STK24: variants seen among roughly 807,000 people sequenced by gnomAD.
STK24 encodes the protein serine/threonine kinase 24, also known as serine/threonine-protein kinase 24.
A neutral mutation model predicts 55.6 loss-of-function variants in STK24; 21 were observed. The observed-to-expected ratio is 0.38, with a 90% CI of 0.27 to 0.54. STK24 has a LOEUF of 0.54. Among genes scored for constraint, STK24 ranks in the 20% least tolerant of loss-of-function variants. The pLI is 0.79. For synonymous variants in STK24, 200 were observed against 215.2 expected, an observed-to-expected ratio of 0.93 and a Z score of 0.62; for missense variants, 383 against 538.4, an observed-to-expected ratio of 0.71 and a Z score of 2.86.
intron 5 of STK24, among the ~76,000 whole-genome samples, chr13:98,470,757 T>C (rs1894114111): frequency 6.6e-6 from 1 of 152,224 alleles, no homozygotes; most frequent in Non-Finnish European, 1.5e-5. Context: ...CACAATATCA[T>C]GTCAAATAAA....
intron 8 of STK24, among the ~76,000 whole-genome samples, chr13:98,461,054 A>AGAGAG (rs1555301293): frequency 1.4e-5 from 2 of 143,750 alleles, no homozygotes; most frequent in African/African-American, 2.6e-5. Flanking sequence ...AAAAAAAAAA[A>AGAGAG]AGAGAGAGAG....
chr13:98,460,245 G>T, intron 9 of STK24, 127 bp downstream of exon 9: 1 of 890,168 alleles, frequency 1.1e-6, no homozygotes, highest in Non-Finnish European at 1.8e-6. Context: ...CACCATGCAG[G>T]CTTTCCGAGC....
At chr13:98,482,416 A>T in intron 2 of STK24, 95 bp from the exon 3 acceptor site, 1 of 682,844 alleles carries the variant, frequency 1.5e-6, no homozygotes, top group East Asian at 2.8e-5. Context: ...TTATATTGGA[A>T]CTAGAAAGTT....
Position 98,514,429 on chromosome 13 carries a change from G to A in STK24, c.273+4814C>T, listed in dbSNP as rs183844516. 2.6e-4 allele frequency among the ~76,000 whole-genome samples: 39 copies of A among 152,324 alleles called. 2 individuals are homozygous for A. The highest frequency in any genetic ancestry group is 8.7e-4 in the African/African-American group (36 of 41,572). ...GACTGTGAAGTGAGATTATGAACCTGTAACTACCCACAATCAATCCTTTCC... is the reference window on the plus strand; with the variant it reads ...GACTGTGAAGTGAGATTATGAACCTATAACTACCCACAATCAATCCTTTCC... On this transcript the variant is annotated intron_variant, in intron 2 of 10. Coordinates refer to ENST00000539966, the MANE Select transcript of STK24 (RefSeq NM_001032296.4).
chr13:98,523,313 G>A (rs939008629), intron 1 of STK24, among the ~76,000 whole-genome samples: 10 of 152,142 alleles, frequency 6.6e-5, no homozygotes, highest in Non-Finnish European at 1.5e-4. Flanking sequence ...AAAAACAGGC[G>A]ACAAGAATTT....
At chr13:98,532,477 CCA>C (rs887389426) in intron 1 of STK24, among the ~76,000 whole-genome samples, 2 of 150,976 alleles carry the variant, frequency 1.3e-5, no homozygotes, top group African/African-American at 4.9e-5. Context: ...CACACCCATC[CCA>C]CACACACACA....
intron 2 of STK24, among the ~76,000 whole-genome samples, chr13:98,507,250 G>C (rs145785690): frequency 1.3e-5 from 2 of 152,358 alleles, no homozygotes; most frequent in East Asian, 1.9e-4. Flanking sequence ...GTACTTAAGA[G>C]GACAACCGTC....
chr13:98,504,414 T>C (rs1895606735), intron 2 of STK24, among the ~76,000 whole-genome samples: 1 of 152,236 alleles, frequency 6.6e-6, no homozygotes, highest in South Asian at 2.1e-4. Flanking sequence ...GGTCAGGATC[T>C]GGAATAATAC....
At chr13:98,561,654 C>G (rs1345505827) in intron 1 of STK24, among the ~76,000 whole-genome samples, 1 of 152,018 alleles carries the variant, frequency 6.6e-6, no homozygotes, top group African/African-American at 2.4e-5. Flanking sequence ...AAGTATGTAT[C>G]TCTGGCTGGT....
At chr13:98,572,016 C>G (rs1469507615) in intron 1 of STK24, among the ~76,000 whole-genome samples, 3 of 152,226 alleles carry the variant, frequency 2.0e-5, no homozygotes, top group African/African-American at 4.8e-5. Context: ...AGGCCTCCCC[C>G]AGGCCCACAG....
rs182603432 is a variant in STK24 at position 98,456,078 on chromosome 13, C to A, written c.1259+1090G>T. ...TCAATTGCCTCAAAATTGAAGGCAG[C>A]CAAGTAGATCATTTTTATTTTCTAG... On this transcript the variant is annotated intron_variant, in intron 10 of 10. Transcript: ENST00000539966. The A allele has an allele frequency of 2.6e-4, 40 of 153,876 alleles. No individual in the cohort carries two copies. In the South Asian group the frequency reaches 7.9e-3, roughly 30 times the overall value. 9.5% of individuals were successfully genotyped at this position (153,876 alleles called of 1,614,324 possible).
intron 2 of STK24, among the ~76,000 whole-genome samples, chr13:98,495,829 G>A (rs771664868): frequency 4.6e-5 from 7 of 152,084 alleles, no homozygotes; most frequent in African/African-American, 7.2e-5. Context: ...GATTTGTTTC[G>A]TCGTTGCTGA....
chr13:98,522,878 G>C (rs955620772), intron 1 of STK24, among the ~76,000 whole-genome samples: 5 of 152,208 alleles, frequency 3.3e-5, no homozygotes, highest in African/African-American at 1.2e-4. Context: ...CACAGACAGG[G>C]GGTCCTGGAG....
intron 6 of STK24, among the ~76,000 whole-genome samples, chr13:98,465,827 G>GA (rs1302310681): frequency 3.3e-5 from 5 of 152,200 alleles, no homozygotes; most frequent in Admixed American, 2.0e-4. Flanking sequence ...AATTCAGACA[G>GA]AAAATGAGGC....
chr13:98,568,295 C>T (rs1029224070), intron 1 of STK24, among the ~76,000 whole-genome samples: 1 of 152,092 alleles, frequency 6.6e-6, no homozygotes, highest in Non-Finnish European at 1.5e-5. Flanking sequence ...TCGCGCCGGG[C>T]CAGCAGAGAA....
intron 1 of STK24, among the ~76,000 whole-genome samples, chr13:98,542,213 CTGATA>C (rs565367359): frequency 1.4e-3 from 214 of 152,012 alleles, no homozygotes; most frequent in African/African-American, 4.9e-3. Flanking sequence ...CTAGCGCTGA[CTGATA>C]TGTCAGCCAT....
intron 2 of STK24, among the ~76,000 whole-genome samples, chr13:98,517,672 C>T (rs1443121006): frequency 6.6e-6 from 1 of 152,146 alleles, no homozygotes; most frequent in Non-Finnish European, 1.5e-5. Flanking sequence ...GGCATTCCCC[C>T]ACGGAAGTCA....
chr13:98,475,615 G>A (rs1200750061), intron 3 of STK24, among the ~76,000 whole-genome samples: 1 of 152,134 alleles, frequency 6.6e-6, no homozygotes, highest in Non-Finnish European at 1.5e-5. Flanking sequence ...GAGGAAGCCC[G>A]CAGCCCCGCC....
intron 1 of STK24, among the ~76,000 whole-genome samples, chr13:98,567,064 A>G (rs1044228944): frequency 2.0e-5 from 3 of 152,228 alleles, no homozygotes; most frequent in African/African-American, 7.2e-5. Flanking sequence ...ATTCTACCCA[A>G]GAAAGTACTC....
Sources: allele counts gnomAD v4.1 joint callset (sites outside exome capture counted in the v4.1 genomes callset), GRCh38; gene constraint gnomAD v4.1.1; transcripts MANE v1.5; gene names NCBI Gene and HGNC (gene_info 2026-07-23, HGNC 2026-07-21).